Variants in RPH3AL observed in about 807,000 individuals in gnomAD.
The protein encoded by RPH3AL is rab effector Noc2.
In RPH3AL, 38 loss-of-function variants were observed where a neutral mutation model predicts 43.1. The ratio of observed to expected loss-of-function variants is 0.88; its 90% CI spans 0.68 to 1.15. The LOEUF (loss-of-function observed/expected upper bound fraction) is 1.15. RPH3AL is among the 50% of genes most tolerant of loss of function. The pLI is 0.00. For missense variants in RPH3AL, 462 were observed against 423.2 expected (o/e 1.09, Z -0.81); for synonymous variants, 189 against 176.3 (o/e 1.07, Z -0.57).
In RPH3AL at chr17:215,161, C is replaced by G. The variant is rs956457103; in HGVS notation, c.876+493G>C. 5.9e-5 allele frequency among the ~76,000 whole-genome samples: 9 copies of G among 152,188 alleles called. No individual in the cohort carries two copies. The highest frequency in any genetic ancestry group is 1.9e-4 in the African/African-American group (8 of 41,452). ...CTTGAAGGAGACAGGGCTGATCCTG[C>G]ACCTGCGCAGTTTTCTCTGGCTTCA... On this transcript the variant is annotated intron_variant, in intron 9 of 9. Coordinates refer to ENST00000331302, the MANE Select transcript of RPH3AL (RefSeq NM_006987.4). The surrounding 1 kb of genome is among the most constrained non-coding windows in gnomAD (Gnocchi z 4.1).
In RPH3AL at chr17:321,260, GC is replaced by G. The variant is rs750633085; in HGVS notation, c.221+11del. On this transcript the variant is annotated intron_variant, in intron 4 of 9. Transcript: ENST00000331302. The stretch of plus-strand genomic sequence containing the variant: ...CTGTCCTCCCACTGAGCTGGCCCCG[GC>G]CCCGCCTCACCCGATTCTCTGCTGC... The G allele has an allele frequency of 3.7e-5, 59 of 1,602,518 alleles. No individual in the cohort carries two copies. In the South Asian group the frequency reaches 5.8e-4, roughly 16 times the overall value.
chr17:341,318 C>A (rs1229902122), intron 1 of RPH3AL: 2 of 152,090 alleles, frequency 1.3e-5, no homozygotes, highest in African/African-American at 2.4e-5. Context: ...AACTGTGGCA[C>A]TGGAATAGAA....
intron 6 of RPH3AL, among the ~76,000 whole-genome samples, chr17:278,942 A>C (rs1362806893): frequency 6.6e-6 from 1 of 152,168 alleles, no homozygotes; most frequent in Non-Finnish European, 1.5e-5. Flanking sequence ...TCCAGAAAAA[A>C]TACTTACAAT....
At chr17:309,089 G>A (rs2043570288) in intron 5 of RPH3AL, among the ~76,000 whole-genome samples, 1 of 152,196 alleles carries the variant, frequency 6.6e-6, no homozygotes. Context: ...TTTGAGCCAG[G>A]AGTTTGAGAC....
intron 6 of RPH3AL, among the ~76,000 whole-genome samples, chr17:268,555 T>TTG (rs2042376713): frequency 1.6e-5 from 2 of 121,506 alleles, no homozygotes; most frequent in Non-Finnish European, 3.4e-5. Context: ...GTTTTTGGGT[T>TTG]TTTTTTTTTT....
At chr17:268,880 TTTA>T (rs1695536360) in intron 6 of RPH3AL, among the ~76,000 whole-genome samples, 1 of 151,924 alleles carries the variant, frequency 6.6e-6, no homozygotes, top group Non-Finnish European at 1.5e-5. Context: ...TTATTTTTTA[TTTA>T]TTATTATTTT....
At position 272,162 on chromosome 17, in the gene RPH3AL, G is replaced by A. The variant is rs2042480515; in HGVS notation, c.438+9606C>T. ...AACAATTTTACACTGTTGGGGGAAT[G>A]TAAACTAGTTCAACCATTGTGGAGG... On this transcript the variant is annotated intron_variant, in intron 6 of 9. Transcript: ENST00000331302. Among the ~76,000 whole-genome samples the A allele has an allele frequency of 2.0e-5, 3 of 152,194 alleles. No homozygotes were observed. In the South Asian group the frequency reaches 6.2e-4, roughly 32 times the overall value.
At position 332,193 on chromosome 17, in the gene RPH3AL, C is replaced by T. The variant is rs372642949; in HGVS notation, c.-37+1566G>A. On this transcript the variant is annotated intron_variant, in intron 2 of 9. Transcript: ENST00000331302. Reference sequence around the variant, plus strand: ...CTGGTGGAGCTCTGGCCACTTCCTCCGTAAACTAGAGACGTGATCCCCAGG... The same window carrying T: ...CTGGTGGAGCTCTGGCCACTTCCTCTGTAAACTAGAGACGTGATCCCCAGG... 2.3e-4 allele frequency: 74 copies of T among 315,660 alleles called. No homozygotes were observed. The East Asian group carries it at 3.5e-3, about 15-fold the overall frequency. 19.6% of individuals were successfully genotyped at this position (315,660 alleles called of 1,614,324 possible). A position where few individuals can be genotyped will look rare whatever the true frequency, so the allele number is the denominator to read the frequency against.
At chr17:235,747 A>G (rs112043302) in intron 7 of RPH3AL, among the ~76,000 whole-genome samples, 8 of 111,210 alleles carry the variant, frequency 7.2e-5, no homozygotes, top group African/African-American at 1.4e-4. Flanking sequence ...AACAAGACGG[A>G]TCCAGGGTTC....
intron 5 of RPH3AL, among the ~76,000 whole-genome samples, chr17:297,899 A>C (rs1054055882): frequency 6.6e-6 from 1 of 152,170 alleles, no homozygotes; most frequent in African/African-American, 2.4e-5. Flanking sequence ...GGGAGGCTTC[A>C]CGAGCTGATG....
intron 8 of RPH3AL, among the ~76,000 whole-genome samples, chr17:217,059 C>CCCATCTGGGGCAGTTATTACAGAGCCCTT (rs1213488243): frequency 6.7e-6 from 1 of 148,922 alleles, no homozygotes; most frequent in Non-Finnish European, 1.5e-5. Context: ...GCATTTCATT[C>CCCATCTGGGGCAGTTATTACAGAGCCCTT]CCATCTGGGG....
At chr17:336,535 C>T (rs562316427) in intron 1 of RPH3AL, among the ~76,000 whole-genome samples, 51 of 152,168 alleles carry the variant, frequency 3.4e-4, no homozygotes, top group Non-Finnish European at 6.3e-4. Flanking sequence ...TGCTCCTCCT[C>T]TCTTGCCCAG....
At position 283,189 on chromosome 17, in the gene RPH3AL, C is replaced by T. The variant is rs1475968616; in HGVS notation, c.352-1335G>A. ...GCAGCCCCCCGCCGAGGGAAGGTTG[C>T]ATCTGTTGCTTGGCCTTTTCTGCAG... On this transcript the variant is annotated intron_variant, in intron 5 of 9. Coordinates refer to ENST00000331302, the MANE Select transcript of RPH3AL (RefSeq NM_006987.4). This position sits in a 1 kb window ranked among gnomAD's most constrained non-coding sequence, Gnocchi z 4.2. Among the ~76,000 whole-genome samples the T allele has an allele frequency of 6.6e-6, 1 of 152,180 alleles. No individual in the cohort carries two copies. The highest frequency in any genetic ancestry group is 2.1e-4 in the South Asian group (1 of 4,836).
intron 7 of RPH3AL, among the ~76,000 whole-genome samples, chr17:239,082 G>A (rs2041467987): frequency 6.6e-6 from 1 of 152,132 alleles, no homozygotes; most frequent in Non-Finnish European, 1.5e-5. Flanking sequence ...ACCCCCTCCT[G>A]GGGAAAGAAG....
intron 7 of RPH3AL, among the ~76,000 whole-genome samples, chr17:230,309 C>T (rs940518784): frequency 6.6e-6 from 1 of 152,222 alleles, no homozygotes; most frequent in African/African-American, 2.4e-5. Context: ...ATCGAAATCT[C>T]ACAGTCCCTG....
In RPH3AL at chr17:247,137, C is replaced by A. The variant is rs776289434; in HGVS notation, c.587G>T (p.Arg196Leu). ...EREPRSSETS[R>L]IYTWARGRVV... ...TCTTCCTCGGGCCCACGTGTAGATGCGGCTGGTCTCAGAGCTTCTGGGCTC... is the reference window on the plus strand; with the variant it reads ...TCTTCCTCGGGCCCACGTGTAGATGAGGCTGGTCTCAGAGCTTCTGGGCTC... The change falls in exon 7 of 10, where the codon CGC becomes CTC. Residue 196 changes from arginine (R) to leucine (L), a missense_variant. Coordinates refer to ENST00000331302, the MANE Select transcript of RPH3AL (RefSeq NM_006987.4). The A allele has an allele frequency of 1.2e-6, 2 of 1,609,200 alleles. No homozygotes were observed. Among genetic ancestry groups the A allele is most frequent in the South Asian group, 1.1e-5 (1 of 90,746 alleles).
chr17:271,975 C>T (rs897391576), intron 6 of RPH3AL, among the ~76,000 whole-genome samples: 23 of 152,182 alleles, frequency 1.5e-4, no homozygotes, highest in Non-Finnish European at 3.2e-4. Context: ...CAAAAGAAGA[C>T]ATTTATGCAG....
In RPH3AL at chr17:246,198, A is replaced by C. The variant is rs58153628; in HGVS notation, c.613+913T>G. ...CACAACCGAAGACCAGGATGTCGCA[A>C]AGCCCCTGAGAAGCGGCCGCCAGGT... is the stretch of plus-strand genomic sequence containing the variant. On this transcript the variant is annotated intron_variant, in intron 7 of 9. Transcript: ENST00000331302. The surrounding 1 kb of genome is among the most constrained non-coding windows in gnomAD (Gnocchi z 4.8). 0.17 allele frequency among the ~76,000 whole-genome samples: 25,820 copies of C among 152,178 alleles called. 2,224 individuals are homozygous for C. The highest frequency in any genetic ancestry group is 0.18 in the South Asian group (886 of 4,816).
At chr17:313,738 G>GGGCGTCGGC (rs2043716830) in intron 5 of RPH3AL, among the ~76,000 whole-genome samples, 1 of 152,170 alleles carries the variant, frequency 6.6e-6, no homozygotes. Context: ...GCGTCGGCAG[G>GGGCGTCGGC]ACCCAGAACA....
Sources: allele counts gnomAD v4.1 joint callset (sites outside exome capture counted in the v4.1 genomes callset), GRCh38; gene constraint gnomAD v4.1.1; non-coding constraint Gnocchi (gnomAD v3.1); transcripts MANE v1.5; gene names NCBI Gene and HGNC (gene_info 2026-07-23, HGNC 2026-07-21).